The following CAMTA1 variants were observed in gnomAD, a reference collection of about 807,000 sequenced individuals.
CAMTA1 encodes the protein calmodulin-binding transcription activator 1.
Under a neutral mutation model 170.9 loss-of-function variants are expected in CAMTA1, and 27 were observed. The observed-to-expected ratio is 0.16, with a 90% CI of 0.12 to 0.22. The LOEUF is 0.22. CAMTA1 is among the 10% of genes least tolerant of loss of function. The pLI is 1.00. For synonymous variants in CAMTA1, 833 were observed against 891.5 expected (o/e 0.93, Z 1.17); for missense variants, 1,619 against 2,217.2 (o/e 0.73, Z 5.42).
chr1:7,394,789 T>A (rs901704580), intron 5 of CAMTA1, among the ~76,000 whole-genome samples: 1 of 151,804 alleles, frequency 6.6e-6, no homozygotes, highest in Non-Finnish European at 1.5e-5. Flanking sequence ...TCATGAAGCA[T>A]TTCCCCTATA....
chr1:7,201,114 C>T (rs1005738653), intron 4 of CAMTA1, among the ~76,000 whole-genome samples: 3 of 152,222 alleles, frequency 2.0e-5, no homozygotes, highest in East Asian at 1.9e-4. Context: ...CTATAGCTTT[C>T]TCTGTTCTGG....
chr1:7,496,372 G>T (rs2093827410), intron 6 of CAMTA1, among the ~76,000 whole-genome samples: 1 of 152,158 alleles, frequency 6.6e-6, no homozygotes, highest in Non-Finnish European at 1.5e-5. Flanking sequence ...GTAAGCATGT[G>T]GGTGAGGACA....
chr1:7,675,341 T>C (rs1348226635), intron 10 of CAMTA1, among the ~76,000 whole-genome samples: 3 of 152,222 alleles, frequency 2.0e-5, no homozygotes, highest in South Asian at 2.1e-4. Context: ...TTCTGCATCA[T>C]AGGAAGGAGT....
chr1:7,206,183 A>AT (rs1373957555), intron 4 of CAMTA1, among the ~76,000 whole-genome samples: 1 of 152,208 alleles, frequency 6.6e-6, no homozygotes, highest in African/African-American at 2.4e-5. Flanking sequence ...TTGAAGGTTA[A>AT]TTTTCCCACA....
chr1:7,091,457 A>G, intron 4 of CAMTA1, 86 bp downstream of exon 4: 1 of 1,015,874 alleles, frequency 9.8e-7, no homozygotes, highest in Middle Eastern at 2.0e-4. Context: ...CAGTGAATTC[A>G]TGGGCAACGA....
chr1:7,396,544 T>C (rs530495683), intron 5 of CAMTA1, among the ~76,000 whole-genome samples: 1 of 152,310 alleles, frequency 6.6e-6, no homozygotes, highest in Admixed American at 6.5e-5. Context: ...TGAATAAAAG[T>C]GGTAAAAGAG....
rs987328016 is a variant in CAMTA1 at position 7,337,540 on chromosome 1, G to A, written c.438+87914G>A. Among the ~76,000 whole-genome samples the A allele has an allele frequency of 1.6e-5, 2 of 127,092 alleles. 1 individual carries two copies. The highest frequency in any genetic ancestry group is 7.0e-5 in the African/African-American group (2 of 28,756). 83.4% of individuals were successfully genotyped at this position (127,092 alleles called of 152,430 possible). On this transcript the variant is annotated intron_variant, in intron 5 of 22. Transcript: ENST00000303635. ...CTCATCCAATCACAGTGTGGGCCGT[G>A]GGCTGCATCCAATCACAGTGTGGGC...
rs187157968 is a variant in CAMTA1 at position 7,762,622 on chromosome 1, G to A, written c.4990-3837G>A. Among the ~76,000 whole-genome samples the A allele has an allele frequency of 1.1e-3, 174 of 152,310 alleles. 1 individual carries two copies. Among genetic ancestry groups the A allele is most frequent in the African/African-American group, 4.0e-3 (167 of 41,578 alleles). On this transcript the variant is annotated intron_variant, in intron 22 of 22. Coordinates refer to ENST00000303635, the MANE Select transcript of CAMTA1 (RefSeq NM_015215.4). ...CTTCATTTATGATTTCACTAGGGCA[G>A]ATAGTAAGCCTCTCAATTTCATGTT... is the stretch of plus-strand genomic sequence containing the variant.
In CAMTA1 at chr1:7,249,058, C is replaced by CT. The variant is rs1447624270; in HGVS notation, c.303-431dup. Among the ~76,000 whole-genome samples the CT allele has an allele frequency of 6.6e-6, 1 of 152,206 alleles. No individual in the cohort carries two copies. Among genetic ancestry groups the CT allele is most frequent in the Non-Finnish European group, 1.5e-5 (1 of 68,042 alleles). On this transcript the variant is annotated intron_variant, in intron 4 of 22. Transcript: ENST00000303635. The surrounding 1 kb of genome is among the most constrained non-coding windows in gnomAD (Gnocchi z 4.4). ...ATAGTCATCTAGCGTCTGCGTTAAA[C>CT]TTATTTATTTCCTAATGCTGGGTGA...
rs528267031 is a variant in CAMTA1, at chr1:7,725,164, C to T, written c.2915-7284C>T. ...GAGTTTTTGTCCGGGGATTTACATGCGCGTGCATGTCTGGAAGGTAGCGGG... is the reference window on the plus strand; with the variant it reads ...GAGTTTTTGTCCGGGGATTTACATGTGCGTGCATGTCTGGAAGGTAGCGGG... On this transcript the variant is annotated intron_variant, in intron 11 of 22. Transcript: ENST00000303635. Among the ~76,000 whole-genome samples, 11 of 152,280 alleles carry T rather than the reference C, an allele frequency of 7.2e-5. 1 individual carries two copies. The South Asian group carries it at 1.7e-3, about 23-fold the overall frequency.
intron 3 of CAMTA1, among the ~76,000 whole-genome samples, chr1:6,889,796 A>G (rs1310369902): frequency 6.6e-6 from 1 of 152,204 alleles, no homozygotes; most frequent in Non-Finnish European, 1.5e-5. Flanking sequence ...GAGCACATGC[A>G]TCACTCTTAG....
At chr1:7,267,924 T>C (rs1574318378) in intron 5 of CAMTA1, among the ~76,000 whole-genome samples, 1 of 152,256 alleles carries the variant, frequency 6.6e-6, no homozygotes, top group East Asian at 1.9e-4. Context: ...GACTCCCTCT[T>C]GGACACCTAT....
chr1:7,176,575 T>G (rs1012046928), intron 4 of CAMTA1, among the ~76,000 whole-genome samples: 6 of 152,214 alleles, frequency 3.9e-5, no homozygotes, highest in Admixed American at 6.5e-5. Flanking sequence ...TCCAACTGCT[T>G]CTGATTCTAC....
intron 3 of CAMTA1, among the ~76,000 whole-genome samples, chr1:7,021,930 G>T (rs1241117596): frequency 1.3e-5 from 2 of 152,154 alleles, no homozygotes; most frequent in Non-Finnish European, 2.9e-5. Flanking sequence ...TTCAGTGAGT[G>T]GTTTATTCGG....
At chr1:6,974,757 A>G (rs1693121005) in intron 3 of CAMTA1, among the ~76,000 whole-genome samples, 1 of 152,198 alleles carries the variant, frequency 6.6e-6, no homozygotes, top group Non-Finnish European at 1.5e-5. Flanking sequence ...GCAAAGACGC[A>G]TTGCATTTTG....
At chr1:7,484,467 G>T (rs972564485) in intron 6 of CAMTA1, among the ~76,000 whole-genome samples, 1 of 152,184 alleles carries the variant, frequency 6.6e-6, no homozygotes, top group East Asian at 1.9e-4. Context: ...AAAGCACTTT[G>T]CACAGGGTCG....
At chr1:7,194,147 A>G (rs1380536902) in intron 4 of CAMTA1, among the ~76,000 whole-genome samples, 1 of 152,242 alleles carries the variant, frequency 6.6e-6, no homozygotes, top group African/African-American at 2.4e-5. Flanking sequence ...TGCGGCCTTT[A>G]GAAGCATGAC....
intron 11 of CAMTA1, among the ~76,000 whole-genome samples, chr1:7,696,714 G>A (rs1233455543): frequency 1.3e-5 from 2 of 152,120 alleles, no homozygotes; most frequent in Non-Finnish European, 2.9e-5. Context: ...GACCTCTGAT[G>A]CTGTCTCAGA....
chr1:7,594,257 T>C (rs2095381009), intron 6 of CAMTA1, among the ~76,000 whole-genome samples: 1 of 129,756 alleles, frequency 7.7e-6, no homozygotes, highest in Admixed American at 7.4e-5. Flanking sequence ...AAAGAAGGAC[T>C]GTCAGAGGAG....
Sources: gnomAD v4.1 joint callset for allele counts (sites outside exome capture counted in the v4.1 genomes callset) on GRCh38, gnomAD v4.1.1 for gene constraint, Gnocchi (gnomAD v3.1) non-coding constraint, MANE v1.5 for transcripts, NCBI Gene and HGNC (gene_info 2026-07-23, HGNC 2026-07-21) for gene names.